ZNF577: variants seen among roughly 807,000 people sequenced by gnomAD.
The protein encoded by ZNF577 is zinc finger protein 577.
Under a neutral mutation model 13.9 loss-of-function variants are expected in ZNF577, and 14 were observed. The observed-to-expected ratio is 1.00, with a 90% CI of 0.66 to 1.57. The LOEUF is 1.57. Ranked by LOEUF, ZNF577 falls within the 40% of genes most tolerant of loss-of-function variation. The probability of loss-of-function intolerance (pLI) is 0.00; values close to 1 mark genes in which losing one functional copy is unlikely to be tolerated. For missense variants in ZNF577, 555 were observed against 579.2 expected (o/e 0.96, Z 0.43); for synonymous variants, 203 against 202.9 (o/e 1.00, Z 0.00).
chr19:51,836,034 T>C (rs2084285901), intron 9 of ZNF577, among the ~76,000 whole-genome samples: 1 of 152,230 alleles, frequency 6.6e-6, no homozygotes, highest in Non-Finnish European at 1.5e-5. Context: ...CATGCAATTT[T>C]AAAGTGACAC....
intron 10 of ZNF577, among the ~76,000 whole-genome samples, chr19:51,805,953 G>A (rs781617030): frequency 6.6e-6 from 1 of 152,136 alleles, no homozygotes; most frequent in Non-Finnish European, 1.5e-5. Flanking sequence ...CATCAAAGTC[G>A]AGATATTATG....
At chr19:51,864,464 G>C (rs969781378), downstream of ZNF577, among the ~76,000 whole-genome samples, 2 of 152,090 alleles carry the variant, frequency 1.3e-5, no homozygotes, top group Admixed American at 1.3e-4. Context: ...ATTATGTGGA[G>C]AATAGAAACA....
At position 51,872,716 on chromosome 19, in the gene ZNF577, A is replaced by C. The variant is rs571240477; in HGVS notation, c.1274T>G (p.Leu425Trp). ...CACTAGGCGCTCACTCTTGTTTAAC[A>C]ATGGCGGGGTTCCTGAGGAAGGCAT... ...IEMPSSGTPP[L>W]LNKSERLVGR... The change falls in exon 6 of 6, where the codon TTG (leucine) becomes TGG (tryptophan). Residue 425 changes from leucine to tryptophan, a missense_variant. Leu to Trp is a moderately conservative substitution (Grantham distance 61, BLOSUM62 -2). Coordinates refer to ENST00000638348, the MANE Select transcript of ZNF577 (RefSeq NM_001370449.1). 6.2e-7 allele frequency: 1 copy of C among 1,614,206 alleles called. No individual in the cohort carries two copies. The highest frequency in any genetic ancestry group is 1.1e-5 in the South Asian group (1 of 91,088).
In ZNF577 at chr19:51,824,692, G is replaced by C; in HGVS notation, c.*600-13018C>G. On this transcript the variant is annotated intron_variant and NMD_transcript_variant, in intron 9 of 10. Transcript: ENST00000638827. The surrounding 1 kb of genome is among the most constrained non-coding windows in gnomAD (Gnocchi z 4.7). ...CGTAACTTCCAAGAAAGACTGATTC[G>C]CTCTTTGCCCACTAGTTTGGAGAGG... The C allele has an allele frequency of 6.2e-7, 1 of 1,613,912 alleles. No individual in the cohort carries two copies. Among genetic ancestry groups the C allele is most frequent in the South Asian group, 1.1e-5 (1 of 91,062 alleles).
rs910909675 is a variant in ZNF577 at position 51,873,425 on chromosome 19, C to G, written c.565G>C (p.Gly189Arg). 5.0e-6 allele frequency: 8 copies of G among 1,614,012 alleles called. No homozygotes were observed. The highest frequency in any genetic ancestry group is 6.8e-6 in the Non-Finnish European group (8 of 1,180,030). ...TERGEKPHGCGECGKTFMRKI... is the reference protein window; with the variant it reads ...TERGEKPHGCRECGKTFMRKI... ...CTCATGAATGTTTTCCCACATTCAC[C>G]ACATCCATGGGGTTTCTCTCCTCTT... The change falls in exon 6 of 6, where the codon GGT becomes CGT. Residue 189 changes from glycine to arginine, a missense_variant. By Grantham distance (125) the Gly-to-Arg change is moderately radical. Transcript: ENST00000638348.
At chr19:51,822,084 T>G (rs1319002861) in intron 9 of ZNF577, among the ~76,000 whole-genome samples, 1 of 152,176 alleles carries the variant, frequency 6.6e-6, no homozygotes, top group Non-Finnish European at 1.5e-5. Context: ...TTTGGTCAAG[T>G]GGCAAAGACA....
chr19:51,826,400 T>C (rs982372903), intron 9 of ZNF577, among the ~76,000 whole-genome samples: 2 of 152,228 alleles, frequency 1.3e-5, no homozygotes, highest in African/African-American at 4.8e-5. Flanking sequence ...AAAAATTTGC[T>C]AGTGAAGCCA....
At chr19:51,839,779 C>T (rs1043973679) in intron 9 of ZNF577, 1 of 152,282 alleles carries the variant, frequency 6.6e-6, no homozygotes. Context: ...TGGCTAACCC[C>T]CAGCTTCAGA....
chr19:51,827,170 T>C (rs575458201), intron 9 of ZNF577, among the ~76,000 whole-genome samples: 16 of 152,266 alleles, frequency 1.1e-4, no homozygotes, highest in South Asian at 6.2e-4. Flanking sequence ...AAGAAGGGTG[T>C]TAGTTAGGGA....
chr19:51,872,445 G>T lies in ZNF577; in HGVS notation c.*87C>A. ...GTCCTCCACAACCACTGCCTCCACA[G>T]TGTTTCAGCCCTAAATGAGCTCTCT... On this transcript the variant is annotated 3_prime_UTR_variant, in exon 6 of 6. Transcript: ENST00000638348. The T allele has an allele frequency of 9.0e-7, 1 of 1,112,814 alleles. No individual in the cohort carries two copies. 68.9% of individuals were successfully genotyped at this position (1,112,814 alleles called of 1,614,324 possible). A position where few individuals can be genotyped will look rare whatever the true frequency, so the allele number is the denominator to read the frequency against.
chr19:51,822,123 T>C (rs2084194523), intron 9 of ZNF577, among the ~76,000 whole-genome samples: 1 of 152,026 alleles, frequency 6.6e-6, no homozygotes, highest in Non-Finnish European at 1.5e-5. Flanking sequence ...TTGGGTTGAG[T>C]TGGATGCAAC....
chr19:51,843,758 G>A (rs1359891781), intron 6 of ZNF577, among the ~76,000 whole-genome samples: 3 of 152,190 alleles, frequency 2.0e-5, no homozygotes, highest in African/African-American at 7.2e-5. Context: ...ACAGAAGTAT[G>A]CTCAAGCTAA....
chr19:51,846,829 G>A (rs76437399), intron 5 of ZNF577, among the ~76,000 whole-genome samples: 10,939 of 152,184 alleles, frequency 0.072, 489 homozygotes, highest in Non-Finnish European at 0.099. Context: ...CTGTGATCAC[G>A]GACTTCCAGC....
chr19:51,851,862 CAAT>C (rs983199166), intron 5 of ZNF577, among the ~76,000 whole-genome samples: 3 of 152,188 alleles, frequency 2.0e-5, no homozygotes, highest in Non-Finnish European at 4.4e-5. Context: ...CTTGTAAACA[CAAT>C]GATGTCTTTA....
At chr19:51,865,768 A>C (rs2084555623), downstream of ZNF577, among the ~76,000 whole-genome samples, 1 of 151,988 alleles carries the variant, frequency 6.6e-6, no homozygotes, top group South Asian at 2.1e-4. Flanking sequence ...GTTGGTTCTC[A>C]CTCACCTGAA....
intron 4 of ZNF577, chr19:51,877,584 A>G (rs2084786749): frequency 4.9e-6 from 2 of 411,352 alleles, no homozygotes; most frequent in Non-Finnish European, 8.6e-6. Context: ...CTACTATCAA[A>G]AAAACAAACA....
chr19:51,866,284 T>C (rs563314881), downstream of ZNF577, among the ~76,000 whole-genome samples: 10 of 151,288 alleles, frequency 6.6e-5, no homozygotes, highest in East Asian at 1.2e-3. Context: ...ACATCTACTA[T>C]GACAGAGGCT....
rs534970778 is a variant in ZNF577 at position 51,868,279 on chromosome 19, A to G, written c.*4253T>C. Among the ~76,000 whole-genome samples, 16 of 152,186 alleles carry G rather than the reference A, an allele frequency of 1.1e-4. No individual in the cohort carries two copies. Among genetic ancestry groups the G allele is most frequent in the Admixed American group, 5.9e-4 (9 of 15,272 alleles). The stretch of plus-strand genomic sequence containing the variant: ...AGTTGTTAATAGGCCAGTTCCGGAC[A>G]CTCCATAGGACACAGACACCTACAC... On this transcript the variant is annotated 3_prime_UTR_variant, in exon 6 of 6. Transcript: ENST00000638348.
At chr19:51,885,452 C>T (rs574651685) in intron 1 of ZNF577, among the ~76,000 whole-genome samples, 1 of 152,198 alleles carries the variant, frequency 6.6e-6, no homozygotes, top group Non-Finnish European at 1.5e-5. Flanking sequence ...TGGGCATTTG[C>T]GGTTTCTCCT....
Sources: gnomAD v4.1 joint callset for allele counts (sites outside exome capture counted in the v4.1 genomes callset) on GRCh38, gnomAD v4.1.1 for gene constraint, Gnocchi (gnomAD v3.1) non-coding constraint, MANE v1.5 for transcripts, NCBI Gene and HGNC (gene_info 2026-07-23, HGNC 2026-07-21) for gene names.